DLGAP2: variants seen among roughly 807,000 people sequenced by gnomAD.
DLGAP2 encodes DLG associated protein 2.
DLGAP2 carries 26 observed loss-of-function variants against 100.3 expected under a neutral mutation model. That is an observed-to-expected ratio of 0.26 (90% CI 0.19 to 0.36). DLGAP2 has a LOEUF of 0.36. DLGAP2 is among the 10% of genes least tolerant of loss of function. The pLI is 1.00. For synonymous variants in DLGAP2, 886 were observed against 630.1 expected, an observed-to-expected ratio of 1.41 and a Z score of -6.08; for missense variants, 1,858 against 1,453.2, an observed-to-expected ratio of 1.28 and a Z score of -4.53.
rs376904022 is a variant in DLGAP2 at position 1,355,290 on chromosome 8, CAG to C, written c.106+96408_106+96409del. 5.6e-3 allele frequency among the ~76,000 whole-genome samples: 858 copies of C among 152,356 alleles called. 5 individuals are homozygous for C. The highest frequency in any genetic ancestry group is 0.02 in the African/African-American group (826 of 41,578). On this transcript the variant is annotated intron_variant, in intron 3 of 14. Coordinates refer to ENST00000637795, the MANE Select transcript of DLGAP2 (RefSeq NM_001346810.2). Reference sequence around the variant, plus strand: ...GCACCTGTGTGTTAACAGGCAGTAACAGGGGTTGTCTCTGGGTGGTGAGATTG... The same window carrying C: ...GCACCTGTGTGTTAACAGGCAGTAACGGGTTGTCTCTGGGTGGTGAGATTG...
chr8:1,322,072 A>T (rs531493136), intron 3 of DLGAP2, among the ~76,000 whole-genome samples: 1 of 152,348 alleles, frequency 6.6e-6, no homozygotes, highest in Admixed American at 6.5e-5. Context: ...AGATTAGCAG[A>T]AACCCTAGAT....
chr8:977,563 C>A (rs532368054), intron 2 of DLGAP2, among the ~76,000 whole-genome samples: 2 of 152,322 alleles, frequency 1.3e-5, no homozygotes, highest in South Asian at 2.1e-4. Flanking sequence ...TGAACTCATG[C>A]CTCCTTGCGA....
At chr8:1,408,352 G>A (rs935422190) in intron 3 of DLGAP2, among the ~76,000 whole-genome samples, 1 of 152,218 alleles carries the variant, frequency 6.6e-6, no homozygotes, top group Admixed American at 6.5e-5. Context: ...GGAGGCGTCT[G>A]TGTTCTCATC....
chr8:832,525 G>T (rs1796801772), intron 1 of DLGAP2, among the ~76,000 whole-genome samples: 1 of 152,160 alleles, frequency 6.6e-6, no homozygotes, highest in South Asian at 2.1e-4. Flanking sequence ...CGTCTGATTG[G>T]TGAATCCACT....
intron 4 of DLGAP2, among the ~76,000 whole-genome samples, chr8:1,542,218 C>T (rs745582922): frequency 1.3e-5 from 2 of 152,238 alleles, no homozygotes; most frequent in Non-Finnish European, 2.9e-5. Context: ...TCCTTCATCA[C>T]ATGCGTGTAT....
At chr8:1,149,129 A>G (rs548846044) in intron 2 of DLGAP2, among the ~76,000 whole-genome samples, 3 of 148,220 alleles carry the variant, frequency 2.0e-5, no homozygotes, top group African/African-American at 7.3e-5. Flanking sequence ...TCACTATTTT[A>G]TCATTGTGGA....
At chr8:1,376,353 A>G (rs1011232305) in intron 3 of DLGAP2, among the ~76,000 whole-genome samples, 2 of 152,200 alleles carry the variant, frequency 1.3e-5, no homozygotes, top group African/African-American at 4.8e-5. Flanking sequence ...CAGTCCCTCT[A>G]GAGAGCATCG....
At chr8:1,007,550 T>C (rs1433572907) in intron 2 of DLGAP2, among the ~76,000 whole-genome samples, 1 of 150,956 alleles carries the variant, frequency 6.6e-6, no homozygotes, top group African/African-American at 2.4e-5. Flanking sequence ...CACGAAGCCA[T>C]GTGGCCATAG....
intron 2 of DLGAP2, among the ~76,000 whole-genome samples, chr8:1,187,664 G>C (rs1797539264): frequency 7.3e-6 from 1 of 136,618 alleles, no homozygotes; most frequent in Non-Finnish European, 1.5e-5. Flanking sequence ...ACGTGCCCGG[G>C]ACCTCTGTGA....
intron 2 of DLGAP2, among the ~76,000 whole-genome samples, chr8:1,207,444 A>G (rs188206071): frequency 2.0e-5 from 3 of 152,244 alleles, no homozygotes; most frequent in East Asian, 3.9e-4. Flanking sequence ...ATTCCATGGT[A>G]TATATATACC....
chr8:1,291,336 T>C (rs1371264800), intron 3 of DLGAP2, among the ~76,000 whole-genome samples: 1 of 152,034 alleles, frequency 6.6e-6, no homozygotes, highest in Non-Finnish European at 1.5e-5. Flanking sequence ...AGTGTGAAAA[T>C]GGAAACCAGA....
At chr8:755,890 C>T (rs572770474) in intron 1 of DLGAP2, among the ~76,000 whole-genome samples, 204 of 152,310 alleles carry the variant, frequency 1.3e-3, no homozygotes, top group African/African-American at 4.4e-3. Context: ...GAAACCATGG[C>T]AGGGAAGGAG....
At chr8:1,612,951 A>C in intron 6 of DLGAP2, among the ~76,000 whole-genome samples, 2 of 136,368 alleles carry the variant, frequency 1.5e-5, no homozygotes, top group African/African-American at 5.6e-5. Context: ...GTGGGACTGT[A>C]AACTAGTTCA....
intron 5 of DLGAP2, among the ~76,000 whole-genome samples, chr8:1,563,840 G>A (rs976817002): frequency 6.6e-6 from 1 of 152,102 alleles, no homozygotes; most frequent in Non-Finnish European, 1.5e-5. Flanking sequence ...TAGTGCTGTC[G>A]ATCGGCTCAC....
chr8:912,190 A>G (rs897370116), intron 2 of DLGAP2, among the ~76,000 whole-genome samples: 1 of 152,212 alleles, frequency 6.6e-6, no homozygotes, highest in Non-Finnish European at 1.5e-5. Flanking sequence ...GATAATAAGA[A>G]GTGAATAATG....
intron 3 of DLGAP2, among the ~76,000 whole-genome samples, chr8:1,495,966 G>GTTT (rs1799533814): frequency 6.6e-6 from 1 of 152,154 alleles, no homozygotes; most frequent in Non-Finnish European, 1.5e-5. Flanking sequence ...GCTGATGGAT[G>GTTT]AAACAAGACT....
intron 2 of DLGAP2, among the ~76,000 whole-genome samples, chr8:1,246,169 C>T (rs962988766): frequency 1.3e-5 from 2 of 152,052 alleles, no homozygotes; most frequent in East Asian, 1.9e-4. Context: ...ACTCCATAGC[C>T]CTTGGTCAAA....
intron 1 of DLGAP2, among the ~76,000 whole-genome samples, chr8:882,217 A>AT (rs1183525326): frequency 6.9e-6 from 1 of 145,728 alleles, no homozygotes; most frequent in Non-Finnish European, 1.5e-5. Context: ...GATTTATCTA[A>AT]TTTAGTTAGC....
chr8:984,812 G>A (rs747481481), intron 2 of DLGAP2, among the ~76,000 whole-genome samples: 3 of 152,192 alleles, frequency 2.0e-5, no homozygotes, highest in Non-Finnish European at 4.4e-5. Flanking sequence ...ATGAATGCAA[G>A]TGGCATAAAC....
Sources: gnomAD v4.1 joint callset for allele counts (sites outside exome capture counted in the v4.1 genomes callset) on GRCh38, gnomAD v4.1.1 for gene constraint, MANE v1.5 for transcripts, NCBI Gene and HGNC (gene_info 2026-07-23, HGNC 2026-07-21) for gene names.